Variants in PKHD1 observed in about 807,000 individuals in gnomAD.
PKHD1 encodes the protein fibrocystin.
PKHD1 carries 291 observed loss-of-function variants against 412.0 expected under a neutral mutation model. That is an observed-to-expected ratio of 0.71 (90% CI 0.64 to 0.78). The LOEUF is 0.78. Ranked by LOEUF, PKHD1 falls within the 30% of genes least tolerant of loss-of-function variation. The pLI is 0.00. For missense variants in PKHD1, 4,825 were observed against 4,950.7 expected (o/e 0.97, Z 0.76); for synonymous variants, 1,777 against 1,821.5 (o/e 0.98, Z 0.62).
chr6:51,676,808 C>G (rs1340045893), intron 60 of PKHD1, among the ~76,000 whole-genome samples: 1 of 152,048 alleles, frequency 6.6e-6, no homozygotes, highest in East Asian at 1.9e-4. Context: ...ATGTTTTGGT[C>G]ATAATAGAAA....
rs189600783 is a variant in PKHD1 at position 51,722,035 on chromosome 6, A to T, written c.10156+22350T>A. 8.1e-5 allele frequency: 131 copies of T among 1,613,426 alleles called. No individual in the cohort carries two copies. In the East Asian group the frequency reaches 2.7e-3, roughly 33 times the overall value. On this transcript the variant is annotated intron_variant, in intron 60 of 66. Coordinates refer to ENST00000371117, the MANE Select transcript of PKHD1 (RefSeq NM_138694.4). The stretch of plus-strand genomic sequence containing the variant: ...CTCAGTGGTTACTGAAGTAAACAGA[A>T]GTACTTTAGTCAGACATTGAAGGCT...
Position 51,856,059 on chromosome 6 carries a change from G to A in PKHD1, c.7745C>T (p.Pro2582Leu). 3 of 1,600,172 alleles carry A rather than the reference G, an allele frequency of 1.9e-6. No individual in the cohort carries two copies. The highest frequency in any genetic ancestry group is 1.1e-5 in the South Asian group (1 of 90,576). ...CATGGTTAAATCATAAGAAACTTCA[G>A]GAGTATTCGCTCTAAGGTGATTTTA... ...HRMSIGLANT[P>L]EVSYDLTMTD... Residue 2582 changes from proline (P) to leucine (L), a missense_variant, in exon 49 of 67, where the codon CCT becomes CTT. Physicochemically the swap from Pro to Leu is moderately conservative, Grantham distance 98. Coordinates refer to ENST00000371117, the MANE Select transcript of PKHD1 (RefSeq NM_138694.4).
Position 51,909,432 on chromosome 6 carries a change from A to G in PKHD1, c.6533T>C (p.Leu2178Pro). ...HCLYSMSEKMLGSRDMGARVI... is the reference protein window; with the variant it reads ...HCLYSMSEKMPGSRDMGARVI... ...TCTGGCTCCCATATCCCTGGATCCT[A>G]GCATCTTCTCACTCATGGAATACAA... Residue 2178 changes from leucine to proline, a missense_variant, in exon 40 of 67, where the codon CTA (leucine) becomes CCA (proline). By Grantham distance (98) the Leu-to-Pro change is moderately conservative (BLOSUM62 -3). Transcript: ENST00000371117. The G allele has an allele frequency of 6.2e-7, 1 of 1,613,452 alleles. No homozygotes were observed. Among genetic ancestry groups the G allele is most frequent in the Non-Finnish European group, 8.5e-7 (1 of 1,179,576 alleles).
At chr6:51,816,762 T>G (rs1029674773) in intron 52 of PKHD1, among the ~76,000 whole-genome samples, 3 of 152,218 alleles carry the variant, frequency 2.0e-5, no homozygotes, top group African/African-American at 7.2e-5. Context: ...ATCACTTTCC[T>G]TTTTCTGTCC....
At chr6:51,691,494 T>C (rs1436790599) in intron 60 of PKHD1, among the ~76,000 whole-genome samples, 1 of 152,188 alleles carries the variant, frequency 6.6e-6, no homozygotes, top group African/African-American at 2.4e-5. Flanking sequence ...AATGAGATCA[T>C]GTGCTTTGCA....
At chr6:51,827,412 A>C (rs1014541576) in intron 52 of PKHD1, among the ~76,000 whole-genome samples, 1 of 152,132 alleles carries the variant, frequency 6.6e-6, no homozygotes, top group Admixed American at 6.6e-5. Context: ...TTATAGCCCT[A>C]ATGTTATAAA....
intron 60 of PKHD1, among the ~76,000 whole-genome samples, chr6:51,700,990 A>G (rs1482033795): frequency 6.6e-6 from 1 of 152,144 alleles, no homozygotes; most frequent in Non-Finnish European, 1.5e-5. Context: ...TGACTGGTTT[A>G]TTCAAGTTAA....
At chr6:51,626,203 T>C (rs1306883421) in intron 66 of PKHD1, among the ~76,000 whole-genome samples, 1 of 152,144 alleles carries the variant, frequency 6.6e-6, no homozygotes, top group Non-Finnish European at 1.5e-5. Flanking sequence ...ATTTTTTGCT[T>C]AAACACGCAT....
chr6:51,843,070 T>C (rs879649996), intron 50 of PKHD1, among the ~76,000 whole-genome samples: 1 of 152,338 alleles, frequency 6.6e-6, no homozygotes, highest in Non-Finnish European at 1.5e-5. Context: ...GCTCATTATC[T>C]CTGCCCCATT....
In PKHD1 at chr6:51,616,448, G is replaced by A; in HGVS notation, c.*2633C>T. 2.6e-6 allele frequency: 1 copy of A among 383,912 alleles called. No homozygotes were observed. The highest frequency in any genetic ancestry group is 4.6e-6 in the Non-Finnish European group (1 of 217,204). 23.8% of individuals were successfully genotyped at this position (383,912 alleles called of 1,614,324 possible). A position where few individuals can be genotyped will look rare whatever the true frequency, so the allele number is the denominator to read the frequency against. On this transcript the variant is annotated 3_prime_UTR_variant, in exon 67 of 67. Coordinates refer to ENST00000371117, the MANE Select transcript of PKHD1 (RefSeq NM_138694.4). ...ATAAATTTAGAGTTGGCCTACAGTG[G>A]TGCTCAAATTGGCTCATCTCCAGAC...
chr6:51,747,927 T>A lies in PKHD1; in HGVS notation c.9689A>T (p.Asp3230Val). 7 of 1,613,892 alleles carry A rather than the reference T, an allele frequency of 4.3e-6. No individual in the cohort carries two copies. The highest frequency in any genetic ancestry group is 5.9e-6 in the Non-Finnish European group (7 of 1,179,876). ...TCCTCTTGGATTGGAGGGAGCTCTA[T>A]CTGTTGATGTCAAGTTGGCTGAGTG... Reference protein sequence around the residue: ...KPHSANLTSTDRAPSNPRGGR... With the variant: ...KPHSANLTSTVRAPSNPRGGR... Residue 3230 changes from aspartate to valine, a missense_variant, in exon 58 of 67, where the codon GAT (aspartate) becomes GTT (valine). Transcript: ENST00000371117.
intron 60 of PKHD1, among the ~76,000 whole-genome samples, chr6:51,714,060 G>C (rs1780960041): frequency 6.6e-6 from 1 of 152,088 alleles, no homozygotes; most frequent in Non-Finnish European, 1.5e-5. Flanking sequence ...AAGAGATGAA[G>C]AATTCATAAC....
At chr6:51,942,563 A>G (rs533107442) in intron 36 of PKHD1, among the ~76,000 whole-genome samples, 54 of 151,538 alleles carry the variant, frequency 3.6e-4, no homozygotes, top group African/African-American at 1.2e-3. Flanking sequence ...CCGGACTTCA[A>G]TCCGGCCTCC....
chr6:51,989,955 GGAAA>G lies in PKHD1; in HGVS notation c.5751+20350_5751+20353del, dbSNP rs1318642909. ...AGGAAAGAAGGAAGGAAGAAAGGAA[GGAAA>G]GAAGGAAGGAAGGAAGGAAGGAAGG... is the stretch of plus-strand genomic sequence containing the variant. On this transcript the variant is annotated intron_variant, in intron 35 of 66. Coordinates refer to ENST00000371117, the MANE Select transcript of PKHD1 (RefSeq NM_138694.4). Among the ~76,000 whole-genome samples, 169 of 109,664 alleles carry G rather than the reference GGAAA, an allele frequency of 1.5e-3. 2 individuals carry two copies. The highest frequency in any genetic ancestry group is 4.6e-3 in the African/African-American group (131 of 28,714). 71.9% of individuals were successfully genotyped at this position (109,664 alleles called of 152,430 possible).
At chr6:51,928,524 C>T (rs1786054062) in intron 37 of PKHD1, among the ~76,000 whole-genome samples, 1 of 151,812 alleles carries the variant, frequency 6.6e-6, no homozygotes, top group Non-Finnish European at 1.5e-5. Flanking sequence ...GTGATAAATG[C>T]AAGGGGAAAG....
intron 65 of PKHD1, among the ~76,000 whole-genome samples, chr6:51,629,134 C>T (rs1304088524): frequency 6.6e-6 from 1 of 151,878 alleles, no homozygotes; most frequent in Non-Finnish European, 1.5e-5. Context: ...TAAGAAATAC[C>T]AATCTGGACA....
At position 51,906,256 on chromosome 6, in the gene PKHD1, C is replaced by A. The variant is rs1304612110; in HGVS notation, c.6767G>T (p.Ser2256Ile). Residue 2256 changes from serine (S) to isoleucine (I), a missense_variant, in exon 41 of 67, where the codon AGT becomes ATT. Coordinates refer to ENST00000371117, the MANE Select transcript of PKHD1 (RefSeq NM_138694.4). Reference protein sequence around the residue: ...MCGTLGLKVDSNVFYNILGHA... With the variant: ...MCGTLGLKVDINVFYNILGHA... Reference sequence around the variant, plus strand: ...ACCTAAAATATTGTAGAATACATTACTGTCCACCTTCAGGCCCAAGGTCCC... The same window carrying A: ...ACCTAAAATATTGTAGAATACATTAATGTCCACCTTCAGGCCCAAGGTCCC... The A allele has an allele frequency of 6.2e-7, 1 of 1,611,220 alleles. No individual in the cohort carries two copies. Among genetic ancestry groups the A allele is most frequent in the Non-Finnish European group, 8.5e-7 (1 of 1,177,648 alleles).
At chr6:51,684,005 C>T (rs1444317571) in intron 60 of PKHD1, among the ~76,000 whole-genome samples, 1 of 152,054 alleles carries the variant, frequency 6.6e-6, no homozygotes, top group Non-Finnish European at 1.5e-5. Context: ...CCCATATACT[C>T]AACCAGTGCC....
At position 51,868,009 on chromosome 6, in the gene PKHD1, C is replaced by T. The variant is rs12210295; in HGVS notation, c.7587G>A (p.Gly2529=). The T allele has an allele frequency of 0.58, 935,655 of 1,611,260 alleles. 284,065 individuals are homozygous for T. The highest frequency in any genetic ancestry group is 0.7 in the Middle Eastern group (4,224 of 6,054). Reference sequence around the variant, plus strand: ...GACTTCTGTTTTTCCCAGACAGAGACCCATCCAAGTCTTCCAAAATTGCTG... The same window carrying T: ...GACTTCTGTTTTTCCCAGACAGAGATCCATCCAAGTCTTCCAAAATTGCTG... ...PHAAILEDLD[G]SLSGKNRSHI... is the part of the protein sequence containing the mutation. The change falls in exon 48 of 67, where the codon GGG becomes GGA. Residue 2529 remains glycine (G), a synonymous_variant. Coordinates refer to ENST00000371117, the MANE Select transcript of PKHD1 (RefSeq NM_138694.4).
Sources: allele counts gnomAD v4.1 joint callset (sites outside exome capture counted in the v4.1 genomes callset), GRCh38; gene constraint gnomAD v4.1.1; transcripts MANE v1.5; gene names NCBI Gene and HGNC (gene_info 2026-07-23, HGNC 2026-07-21).